GALNT13: variants seen among roughly 807,000 people sequenced by gnomAD.
GALNT13 encodes UDP-GalNAc:polypeptide N-acetylgalactosaminyltransferase 13.
A neutral mutation model predicts 64.2 loss-of-function variants in GALNT13; 28 were observed. That is an observed-to-expected ratio of 0.44 (90% CI 0.32 to 0.60). The LOEUF (loss-of-function observed/expected upper bound fraction) is 0.60, where lower values mean the gene tolerates loss of function less well. Among genes scored for constraint, GALNT13 ranks in the 20% least tolerant of loss-of-function variants. The probability of loss-of-function intolerance (pLI) is 0.05; values close to 1 mark genes in which losing one functional copy is unlikely to be tolerated. For synonymous variants in GALNT13, 214 were observed against 224.6 expected (o/e 0.95, Z 0.42); for missense variants, 577 against 669.8 (o/e 0.86, Z 1.53).
the GALNT13 span, among the ~76,000 whole-genome samples, chr2:153,526,349 A>T: frequency 6.6e-6 from 1 of 152,244 alleles, no homozygotes; most frequent in African/African-American, 2.4e-5. Flanking sequence ...GTGGCTCAAA[A>T]CAAAGACAGA....
At chr2:153,853,902 C>T in the GALNT13 span, among the ~76,000 whole-genome samples, 25 of 151,724 alleles carry the variant, frequency 1.6e-4, no homozygotes, top group South Asian at 3.3e-3. Flanking sequence ...ATTATGAAAA[C>T]GCATGAGGAA....
chr2:154,341,003 A>G (rs1275182802), intron 9 of GALNT13, among the ~76,000 whole-genome samples: 1 of 152,100 alleles, frequency 6.6e-6, no homozygotes, highest in African/African-American at 2.4e-5. Flanking sequence ...TATATAATAC[A>G]TAGATATTTT....
At chr2:154,296,275 C>T (rs1449468216) in intron 8 of GALNT13, among the ~76,000 whole-genome samples, 2 of 152,184 alleles carry the variant, frequency 1.3e-5, no homozygotes, top group Non-Finnish European at 2.9e-5. Flanking sequence ...TCAGAATTCA[C>T]TAGATTGGGA....
chr2:154,447,847 T>G, intron 12 of GALNT13, among the ~76,000 whole-genome samples: 1 of 152,050 alleles, frequency 6.6e-6, no homozygotes, highest in East Asian at 1.9e-4. Flanking sequence ...TATCTTAGTT[T>G]GCTTTCAGAG....
At chr2:153,924,598 A>G (rs1254800404) in intron 2 of GALNT13, among the ~76,000 whole-genome samples, 4 of 152,174 alleles carry the variant, frequency 2.6e-5, no homozygotes, top group Non-Finnish European at 5.9e-5. Context: ...GCTGGATCAA[A>G]TGGCATTTCT....
intron 4 of GALNT13, among the ~76,000 whole-genome samples, chr2:154,211,650 AAAAAAGAAAAGAAAAG>A (rs1687777033): frequency 6.7e-6 from 1 of 149,580 alleles, no homozygotes; most frequent in Non-Finnish European, 1.5e-5. Flanking sequence ...AAAAAAAAAA[AAAAAAGAAAAGAAAAG>A]AAAAGAAAGA....
intron 3 of GALNT13, among the ~76,000 whole-genome samples, chr2:154,030,122 C>T (rs1698245823): frequency 6.6e-6 from 1 of 151,412 alleles, no homozygotes; most frequent in African/African-American, 2.4e-5. Context: ...AAATAATTCT[C>T]TGAAATTAAT....
chr2:153,159,091 GAGA>G, the GALNT13 span: 1 of 163,950 alleles, frequency 6.1e-6, no homozygotes, highest in Non-Finnish European at 1.4e-5. Context: ...GAATATGGAG[GAGA>G]AGTTCATCTT....
the GALNT13 span, among the ~76,000 whole-genome samples, chr2:153,741,335 A>C: frequency 3.9e-5 from 6 of 151,942 alleles, no homozygotes; most frequent in African/African-American, 1.4e-4. Context: ...TTTCCATTCT[A>C]TCAGCTCTTC....
At chr2:154,341,159 T>C (rs1300025399) in intron 9 of GALNT13, among the ~76,000 whole-genome samples, 1 of 152,000 alleles carries the variant, frequency 6.6e-6, no homozygotes, top group Non-Finnish European at 1.5e-5. Context: ...TCTAATAAAA[T>C]ATACAGGCAT....
chr2:153,592,472 A>C, the GALNT13 span, among the ~76,000 whole-genome samples: 16 of 152,210 alleles, frequency 1.1e-4, no homozygotes, highest in Non-Finnish European at 2.4e-4. Flanking sequence ...TGATTTGATA[A>C]AGAAAATGTG....
At chr2:153,972,883 A>C (rs1238963444) in intron 3 of GALNT13, among the ~76,000 whole-genome samples, 1 of 152,072 alleles carries the variant, frequency 6.6e-6, no homozygotes, top group Admixed American at 6.6e-5. Flanking sequence ...GTAACACTTT[A>C]GAGTTAGTAA....
At chr2:154,025,858 G>A (rs1697921590) in intron 3 of GALNT13, among the ~76,000 whole-genome samples, 1 of 152,028 alleles carries the variant, frequency 6.6e-6, no homozygotes, top group African/African-American at 2.4e-5. Context: ...GGGGTAACTG[G>A]GTCTTGAACT....
At chr2:154,263,150 C>G (rs1690794543) in intron 8 of GALNT13, among the ~76,000 whole-genome samples, 1 of 152,144 alleles carries the variant, frequency 6.6e-6, no homozygotes, top group South Asian at 2.1e-4. Context: ...AAATCTGTCT[C>G]ACAGCCATGA....
intron 3 of GALNT13, among the ~76,000 whole-genome samples, chr2:154,110,654 C>G (rs1702935500): frequency 6.6e-6 from 1 of 151,770 alleles, no homozygotes; most frequent in African/African-American, 2.4e-5. Flanking sequence ...TGGTGCCCAC[C>G]CTGATTAAGG....
the GALNT13 span, among the ~76,000 whole-genome samples, chr2:153,078,078 AC>A: frequency 1.3e-5 from 2 of 150,942 alleles, no homozygotes; most frequent in African/African-American, 4.9e-5. Context: ...CTTTCCTTCT[AC>A]CCTACTTTCT....
chr2:153,791,937 G>T, the GALNT13 span, among the ~76,000 whole-genome samples: 1 of 151,960 alleles, frequency 6.6e-6, no homozygotes, highest in African/African-American at 2.4e-5. Flanking sequence ...AGGAGGGGGA[G>T]GATTAGAAAA....
At chr2:154,124,275 G>T (rs1242297929) in intron 3 of GALNT13, among the ~76,000 whole-genome samples, 1 of 151,908 alleles carries the variant, frequency 6.6e-6, no homozygotes, top group Admixed American at 6.6e-5. Context: ...AAAAGAGAGA[G>T]ATATGTCCTT....
At chr2:154,404,666 A>T (rs896602498) in intron 10 of GALNT13, among the ~76,000 whole-genome samples, 3 of 152,160 alleles carry the variant, frequency 2.0e-5, no homozygotes, top group African/African-American at 7.2e-5. Context: ...GAAGGGTCTG[A>T]ACAGTCTGCA....
Sources: allele counts gnomAD v4.1 joint callset (sites outside exome capture counted in the v4.1 genomes callset), GRCh38; gene constraint gnomAD v4.1.1; transcripts MANE v1.5; gene names NCBI Gene and HGNC (gene_info 2026-07-23, HGNC 2026-07-21).